PLA1A: variants seen among roughly 807,000 people sequenced by gnomAD.
The protein encoded by PLA1A is phospholipase A1 member A, also known as phosphatidylserine-specific phospholipase A1alpha.
In PLA1A, 47 loss-of-function variants were observed where a neutral mutation model predicts 49.4. The observed-to-expected ratio is 0.95, with a 90% confidence interval of 0.75 to 1.21. The LOEUF is 1.21. Among genes scored for constraint, PLA1A ranks in the 50% most tolerant of loss-of-function variants. The probability of loss-of-function intolerance (pLI) is 0.00; values close to 1 mark genes in which losing one functional copy is unlikely to be tolerated. For synonymous variants in PLA1A, 224 were observed against 207.9 expected, an observed-to-expected ratio of 1.08 and a Z score of -0.67; for missense variants, 561 against 563.9, an observed-to-expected ratio of 0.99 and a Z score of 0.05.
chr3:119,609,902 A>G (rs2082742745), intron 4 of PLA1A, among the ~76,000 whole-genome samples: 1 of 152,186 alleles, frequency 6.6e-6, no homozygotes, highest in African/African-American at 2.4e-5. Context: ...GCTGAGGTTC[A>G]GGTTTCTAAT....
chr3:119,611,244 G>A (rs1221724922), intron 4 of PLA1A, among the ~76,000 whole-genome samples: 2 of 152,100 alleles, frequency 1.3e-5, no homozygotes, highest in African/African-American at 4.8e-5. Flanking sequence ...TTGAAATTGG[G>A]TAGTGTGATA....
chr3:119,627,466 GA>G (rs1179606616), intron 9 of PLA1A, among the ~76,000 whole-genome samples: 1 of 152,166 alleles, frequency 6.6e-6, no homozygotes, highest in Non-Finnish European at 1.5e-5. Flanking sequence ...AAAAAAGAGG[GA>G]ATGGTTTTTA....
At chr3:119,620,387 G>GT (rs1165256294) in intron 8 of PLA1A, among the ~76,000 whole-genome samples, 2 of 152,168 alleles carry the variant, frequency 1.3e-5, no homozygotes, top group African/African-American at 2.4e-5. Flanking sequence ...TGTCAAGTCA[G>GT]TGCAGGGATC....
chr3:119,602,755 G>C (rs528096132), intron 1 of PLA1A, among the ~76,000 whole-genome samples: 1 of 152,246 alleles, frequency 6.6e-6, no homozygotes, highest in South Asian at 2.1e-4. Flanking sequence ...TAGTAGATTA[G>C]AAGGTGATGA....
At chr3:119,605,271 G>A (rs2082671132) in intron 1 of PLA1A, among the ~76,000 whole-genome samples, 1 of 152,212 alleles carries the variant, frequency 6.6e-6, no homozygotes, top group South Asian at 2.1e-4. Context: ...TGCTTGGTCT[G>A]CCTCTGCAAG....
Position 119,618,134 on chromosome 3 carries a change from T to C in PLA1A, c.870T>C (p.Ala290=), listed in dbSNP as rs766146755. The C allele has an allele frequency of 1.0e-4, 162 of 1,614,094 alleles. No homozygotes were observed. Among genetic ancestry groups the C allele is most frequent in the Non-Finnish European group, 1.3e-4 (154 of 1,180,012 alleles). The part of the protein sequence containing the change: ...FPCASYKAFL[A]GRCLDCFNPF... ...GTGCCAGCTACAAGGCCTTCCTTGC[T>C]GGACGCTGTCTGGATTGCTTTAACC... Residue 290 remains alanine (A), a synonymous_variant, in exon 7 of 11, where the codon GCT becomes GCC. Coordinates refer to ENST00000273371, the MANE Select transcript of PLA1A (RefSeq NM_015900.4).
intron 6 of PLA1A, 96 bp downstream of exon 6, chr3:119,616,197 G>A (rs762093575): frequency 1.3e-6 from 1 of 760,146 alleles, no homozygotes; most frequent in Non-Finnish European, 2.4e-6. Context: ...GCCATAGAGG[G>A]TCTACTTGAC....
chr3:119,605,117 G>C (rs536905594), intron 1 of PLA1A, among the ~76,000 whole-genome samples: 10 of 152,166 alleles, frequency 6.6e-5, no homozygotes, highest in Non-Finnish European at 1.0e-4. Context: ...TTTCTTTAAA[G>C]AGCCAAATGC....
intron 1 of PLA1A, among the ~76,000 whole-genome samples, chr3:119,602,849 T>C (rs1251249685): frequency 6.6e-6 from 1 of 151,942 alleles, no homozygotes; most frequent in African/African-American, 2.4e-5. Context: ...TGAAATAGGA[T>C]GTGAGAGTAG....
rs536039022 is a variant in PLA1A at position 119,601,798 on chromosome 3, A to G, written c.73+3812A>G. On this transcript the variant is annotated intron_variant, in intron 1 of 10. Coordinates refer to ENST00000273371, the MANE Select transcript of PLA1A (RefSeq NM_015900.4). Reference sequence around the variant, plus strand: ...CTGTTCTAAATGGAATACTTCTAATATTTCCCAGTAAATCTAATCCTTACT... The same window carrying G: ...CTGTTCTAAATGGAATACTTCTAATGTTTCCCAGTAAATCTAATCCTTACT... Among the ~76,000 whole-genome samples the G allele has an allele frequency of 5.3e-4, 80 of 152,320 alleles. 1 individual carries two copies. In the South Asian group the frequency reaches 0.016, roughly 31 times the overall value.
At chr3:119,627,391 T>C (rs1036616141) in intron 9 of PLA1A, among the ~76,000 whole-genome samples, 3 of 152,246 alleles carry the variant, frequency 2.0e-5, no homozygotes, top group Non-Finnish European at 4.4e-5. Context: ...AACTCTTCAG[T>C]CTAAGCTTAA....
chr3:119,603,748 G>T (rs758326945), intron 1 of PLA1A, among the ~76,000 whole-genome samples: 1 of 152,192 alleles, frequency 6.6e-6, no homozygotes, highest in Non-Finnish European at 1.5e-5. Context: ...CTCCACCAAA[G>T]GGATGTGAAG....
chr3:119,617,315 T>C (rs2082861811), intron 6 of PLA1A, among the ~76,000 whole-genome samples: 2 of 151,828 alleles, frequency 1.3e-5, no homozygotes, highest in South Asian at 4.2e-4. Context: ...TATAATGAGG[T>C]TGTAAAAAAT....
In PLA1A at chr3:119,629,513, T is replaced by TG; in HGVS notation, c.*45_*46insG. The TG allele has an allele frequency of 2.8e-6, 3 of 1,087,368 alleles. No individual in the cohort carries two copies. The highest frequency in any genetic ancestry group is 4.3e-6 in the Non-Finnish European group (3 of 702,688). 67.4% of individuals were successfully genotyped at this position (1,087,368 alleles called of 1,614,324 possible). A position where few individuals can be genotyped will look rare whatever the true frequency, so the allele number is the denominator to read the frequency against. On this transcript the variant is annotated 3_prime_UTR_variant, in exon 11 of 11. Transcript: ENST00000273371. ...ATCTCCCTGCATTTTTTTTTTTTTT[T>TG]TGAGAGAGAGGTGTGATGAGGGATG...
chr3:119,602,492 C>A (rs574093800), intron 1 of PLA1A, among the ~76,000 whole-genome samples: 87 of 152,104 alleles, frequency 5.7e-4, no homozygotes, highest in Middle Eastern at 3.4e-3. Flanking sequence ...TATTTATATA[C>A]CTTTTTTATT....
intron 2 of PLA1A, among the ~76,000 whole-genome samples, chr3:119,607,623 C>T (rs2082706904): frequency 6.6e-6 from 1 of 152,206 alleles, no homozygotes; most frequent in African/African-American, 2.4e-5. Flanking sequence ...GCACAAAGGA[C>T]CACCATTTCC....
intron 1 of PLA1A, among the ~76,000 whole-genome samples, chr3:119,600,905 A>G (rs2082609835): frequency 6.6e-6 from 1 of 152,192 alleles, no homozygotes. Flanking sequence ...CAGCCTCTGT[A>G]AGGCCAGCCT....
intron 1 of PLA1A, among the ~76,000 whole-genome samples, chr3:119,603,057 G>A (rs1010564452): frequency 1.3e-5 from 2 of 152,192 alleles, no homozygotes; most frequent in African/African-American, 4.8e-5. Flanking sequence ...AGGACTCTTG[G>A]AGTGGGGTGG....
chr3:119,629,279 G>C, intron 10 of PLA1A, 105 bp from the exon 11 acceptor site: 1 of 761,952 alleles, frequency 1.3e-6, no homozygotes, highest in Non-Finnish European at 2.4e-6. Flanking sequence ...AATTGTAGGT[G>C]ATTGCAGATT....
Sources: gnomAD v4.1 joint callset for allele counts (sites outside exome capture counted in the v4.1 genomes callset) on GRCh38, gnomAD v4.1.1 for gene constraint, MANE v1.5 for transcripts, NCBI Gene and HGNC (gene_info 2026-07-23, HGNC 2026-07-21) for gene names.